The following CFAP61 variants were observed in gnomAD, a reference collection of about 807,000 sequenced individuals.
The protein encoded by CFAP61 is cilia and flagella associated protein 61.
Under a neutral mutation model 135.6 loss-of-function variants are expected in CFAP61, and 107 were observed. The ratio of observed to expected loss-of-function variants is 0.79; its 90% confidence interval spans 0.67 to 0.93. The LOEUF (loss-of-function observed/expected upper bound fraction) is 0.93. Among genes scored for constraint, CFAP61 ranks in the 40% least tolerant of loss-of-function variants. The pLI is 0.00. For synonymous variants in CFAP61, 575 were observed against 578.5 expected, an observed-to-expected ratio of 0.99 and a Z score of 0.09; for missense variants, 1,507 against 1,556.2, an observed-to-expected ratio of 0.97 and a Z score of 0.53.
chr20:20,140,095 CG>C (rs2051249819), intron 8 of CFAP61, among the ~76,000 whole-genome samples: 1 of 135,956 alleles, frequency 7.4e-6, no homozygotes, highest in Non-Finnish European at 1.5e-5. Flanking sequence ...ATTGACTGGA[CG>C]GGGAGATGAG....
intron 12 of CFAP61, among the ~76,000 whole-genome samples, chr20:20,167,391 C>T (rs184165015): frequency 3.3e-5 from 5 of 152,274 alleles, no homozygotes; most frequent in African/African-American, 9.6e-5. Context: ...TTTACAAAGT[C>T]GGTTTCCCTC....
At chr20:20,357,464 G>A (rs111822563) in intron 26 of CFAP61, among the ~76,000 whole-genome samples, 1 of 48,530 alleles carries the variant, frequency 2.1e-5, no homozygotes, top group African/African-American at 1.2e-4. Context: ...GTGCGGGGAG[G>A]TGGTCATACT....
intron 1 of CFAP61, among the ~76,000 whole-genome samples, chr20:20,054,081 T>C (rs1193599737): frequency 1.3e-5 from 2 of 151,252 alleles, no homozygotes; most frequent in Non-Finnish European, 3.0e-5. Flanking sequence ...AATGCTTTTG[T>C]AGATATACCT....
intron 25 of CFAP61, among the ~76,000 whole-genome samples, chr20:20,311,734 G>A (rs1172310228): frequency 6.6e-6 from 1 of 152,166 alleles, no homozygotes; most frequent in Non-Finnish European, 1.5e-5. Context: ...CCTCCCCTGG[G>A]AGCATTCAGT....
At chr20:20,143,403 T>G (rs1568996178) in intron 9 of CFAP61, among the ~76,000 whole-genome samples, 1 of 152,134 alleles carries the variant, frequency 6.6e-6, no homozygotes, top group Non-Finnish European at 1.5e-5. Context: ...AAGAGGGGAC[T>G]CGGGAGATGT....
chr20:20,075,580 C>T lies in CFAP61; in HGVS notation c.531C>T (p.His177=). 3.1e-6 allele frequency: 5 copies of T among 1,614,176 alleles called. No homozygotes were observed. The highest frequency in any genetic ancestry group is 4.2e-6 in the Non-Finnish European group (5 of 1,180,006). The change falls in exon 6 of 27, where the codon CAC becomes CAT. Residue 177 remains histidine (H), a synonymous_variant. Transcript: ENST00000245957. Reference sequence around the variant, plus strand: ...TTGCAGTGCATATATGTCACAGGCACAGCCACTATCCTCAGCTGCACGTTC... The same window carrying T: ...TTGCAGTGCATATATGTCACAGGCATAGCCACTATCCTCAGCTGCACGTTC... ...EDFAVHICHR[H]SHYPQLHVRK... is the part of the protein sequence containing the mutation.
chr20:20,078,844 T>A (rs998124761), intron 6 of CFAP61, among the ~76,000 whole-genome samples: 2 of 152,150 alleles, frequency 1.3e-5, no homozygotes, highest in African/African-American at 4.8e-5. Flanking sequence ...TGAATAAAAC[T>A]GATACTTCCA....
intron 21 of CFAP61, chr20:20,267,516 G>A (rs2052870313): frequency 6.6e-6 from 1 of 152,570 alleles, no homozygotes; most frequent in South Asian, 2.1e-4. Flanking sequence ...TAGCCAATAG[G>A]GGCGAGGCAG....
At chr20:20,052,784 G>C in intron 1 of CFAP61, 193 bp downstream of exon 1, 3 of 1,469,396 alleles carry the variant, frequency 2.0e-6, no homozygotes, top group Non-Finnish European at 2.8e-6. Flanking sequence ...AGAAGGGAGA[G>C]CGAGGAAACT....
At chr20:20,130,225 G>T (rs2050404014) in intron 8 of CFAP61, among the ~76,000 whole-genome samples, 1 of 151,616 alleles carries the variant, frequency 6.6e-6, no homozygotes, top group Non-Finnish European at 1.5e-5. Context: ...GGAGGCAGAG[G>T]TTGCAGTGAG....
intron 25 of CFAP61, chr20:20,322,619 T>C: frequency 1.1e-6 from 1 of 878,246 alleles, no homozygotes; most frequent in Middle Eastern, 5.9e-4. Context: ...CCGTGGTAAA[T>C]GGTATCATTA....
At chr20:20,360,063 C>A in intron 26 of CFAP61, 147 bp from the exon 27 acceptor site, 1 of 687,730 alleles carries the variant, frequency 1.5e-6, no homozygotes, top group South Asian at 1.8e-5. Context: ...TACTTTGCCA[C>A]AATTAAAAAT....
intron 26 of CFAP61, among the ~76,000 whole-genome samples, chr20:20,344,748 G>A (rs2058571234): frequency 6.6e-6 from 1 of 152,064 alleles, no homozygotes; most frequent in Non-Finnish European, 1.5e-5. Context: ...TCCCACTGCT[G>A]GGTATATATC....
At chr20:20,190,126 G>A (rs1475267921) in intron 14 of CFAP61, among the ~76,000 whole-genome samples, 1 of 152,206 alleles carries the variant, frequency 6.6e-6, no homozygotes, top group Non-Finnish European at 1.5e-5. Context: ...CTATCTTATG[G>A]CCTAACATTT....
At chr20:20,340,973 C>T (rs190450189) in intron 25 of CFAP61, among the ~76,000 whole-genome samples, 16 of 152,178 alleles carry the variant, frequency 1.1e-4, no homozygotes, top group Middle Eastern at 3.4e-3. Context: ...TACCTCCATC[C>T]CTAAGAACTA....
chr20:20,296,455 TG>T (rs2055618423), intron 24 of CFAP61, among the ~76,000 whole-genome samples: 1 of 140,490 alleles, frequency 7.1e-6, no homozygotes, highest in African/African-American at 2.6e-5. Context: ...CCCTCCTTCC[TG>T]CCTTCCTTCC....
At chr20:20,332,975 C>T (rs1015516382) in intron 25 of CFAP61, among the ~76,000 whole-genome samples, 2 of 152,120 alleles carry the variant, frequency 1.3e-5, no homozygotes, top group African/African-American at 2.4e-5. Flanking sequence ...TTACGATGTC[C>T]TCTTACCTTT....
chr20:20,247,531 G>A (rs1450688701), intron 19 of CFAP61, among the ~76,000 whole-genome samples: 1 of 152,200 alleles, frequency 6.6e-6, no homozygotes, highest in Non-Finnish European at 1.5e-5. Flanking sequence ...CAATATGGTG[G>A]CCACTAGCCA....
chr20:20,239,362 A>C (rs1478202717), intron 18 of CFAP61, among the ~76,000 whole-genome samples: 1 of 152,236 alleles, frequency 6.6e-6, no homozygotes, highest in African/African-American at 2.4e-5. Flanking sequence ...TGATATTTTC[A>C]TATAAAGTCA....
Sources: allele counts gnomAD v4.1 joint callset (sites outside exome capture counted in the v4.1 genomes callset), GRCh38; gene constraint gnomAD v4.1.1; transcripts MANE v1.5; gene names NCBI Gene and HGNC (gene_info 2026-07-23, HGNC 2026-07-21).